KIF20A: variants seen among roughly 807,000 people sequenced by gnomAD.
KIF20A encodes the protein kinesin-like protein KIF20A.
Under a neutral mutation model 113.0 loss-of-function variants are expected in KIF20A, and 66 were observed. That is an observed-to-expected ratio of 0.58 (90% CI 0.48 to 0.72). KIF20A has a LOEUF of 0.72. Among genes scored for constraint, KIF20A ranks in the 30% least tolerant of loss-of-function variants. KIF20A has a pLI of 0.00. For missense variants in KIF20A, 927 were observed against 1,077.6 expected (o/e 0.86, Z 1.96); for synonymous variants, 376 against 402.3 (o/e 0.93, Z 0.78).
In KIF20A at chr5:138,183,074, G is replaced by A. The variant is rs1754686773; in HGVS notation, c.832+84G>A. The stretch of plus-strand genomic sequence containing the variant: ...TAGCTGCCAGGAGTACAGACCAGAG[G>A]TTGCAATCTAAGGTCTGCCTTCCAA... On this transcript the variant is annotated intron_variant, in intron 7 of 18. Transcript: ENST00000394894. This position sits in a 1 kb window ranked among gnomAD's most constrained non-coding sequence, Gnocchi z 5.2. 6.2e-7 allele frequency: 1 copy of A among 1,602,668 alleles called. No homozygotes were observed. Among genetic ancestry groups the A allele is most frequent in the Admixed American group, 1.7e-5 (1 of 59,568 alleles).
rs747904264 is a variant in KIF20A at position 138,181,669 on chromosome 5, G to T, written c.316G>T (p.Ala106Ser). Reference protein sequence around the residue: ...LVLQAPKDSFALKSNERGIGQ... With the variant: ...LVLQAPKDSFSLKSNERGIGQ... Reference sequence around the variant, plus strand: ...TCTACAAGCACCCAAGGACTCTTTTGCCCTGAAGAGCAATGAACGGGGAAT... The same window carrying T: ...TCTACAAGCACCCAAGGACTCTTTTTCCCTGAAGAGCAATGAACGGGGAAT... Residue 106 changes from alanine (A) to serine (S), a missense_variant, in exon 4 of 19, where the codon GCC becomes TCC. Ala to Ser is a moderately conservative substitution (Grantham distance 99). Transcript: ENST00000394894. 4 of 1,614,070 alleles carry T rather than the reference G, an allele frequency of 2.5e-6. No individual in the cohort carries two copies. In the Admixed American group the frequency reaches 6.7e-5, roughly 27 times the overall value.
rs1581479679 is a variant in KIF20A, at chr5:138,185,641, A to C, written c.2056A>C (p.Thr686Pro). The C allele has an allele frequency of 6.2e-7, 1 of 1,614,040 alleles. No homozygotes were observed. Among genetic ancestry groups the C allele is most frequent in the Admixed American group, 1.7e-5 (1 of 59,996 alleles). Residue 686 changes from threonine (T) to proline (P), a missense_variant, in exon 16 of 19, where the codon ACC becomes CCC. Thr to Pro is a conservative substitution (Grantham distance 38). Coordinates refer to ENST00000394894, the MANE Select transcript of KIF20A (RefSeq NM_005733.3). ...ACAAAGGTTGGCAGCTTCTGCCTCC[A>C]CCCAGCAGCTTCAGGAGGTTAAAGC... ...RSQRLAASAS[T>P]QQLQEVKAKL... is the part of the protein sequence containing the mutation.
chr5:138,181,707 A>T lies in KIF20A; in HGVS notation c.354A>T (p.Thr118=). The T allele has an allele frequency of 6.2e-7, 1 of 1,614,036 alleles. No individual in the cohort carries two copies. The highest frequency in any genetic ancestry group is 8.5e-7 in the Non-Finnish European group (1 of 1,180,044). The stretch of plus-strand genomic sequence containing the variant: ...ATGAACGGGGAATTGGCCAAGCCAC[A>T]CACAGGTTCACCTTTTCCCAGGTAT... ...KSNERGIGQA[T]HRFTFSQIFG... is the part of the protein sequence containing the mutation. The change falls in exon 4 of 19, where the codon ACA becomes ACT. Residue 118 remains threonine (T), a synonymous_variant. Transcript: ENST00000394894.
chr5:138,184,624 G>A lies in KIF20A; in HGVS notation c.1631G>A (p.Gly544Asp), dbSNP rs1314154158. Reference protein sequence around the residue: ...SLEKGAKADTGLDDDIENEAD... With the variant: ...SLEKGAKADTDLDDDIENEAD... The stretch of plus-strand genomic sequence containing the variant: ...GAGAAAGGGGCTAAGGCAGACACAG[G>A]CCTTGATGATGATATTGAAAATGAA... The change falls in exon 13 of 19, where the codon GGC (glycine) becomes GAC (aspartate). Residue 544 changes from glycine (G) to aspartate (D), a missense_variant. Coordinates refer to ENST00000394894, the MANE Select transcript of KIF20A (RefSeq NM_005733.3). 2.5e-6 allele frequency: 4 copies of A among 1,614,018 alleles called. No individual in the cohort carries two copies. Among genetic ancestry groups the A allele is most frequent in the African/African-American group, 2.7e-5 (2 of 74,924 alleles).
intron 16 of KIF20A, 39 bp from the exon 17 acceptor site, chr5:138,185,922 A>T: frequency 6.3e-7 from 1 of 1,583,244 alleles, no homozygotes; most frequent in Non-Finnish European, 8.7e-7. Flanking sequence ...AGGCTAAAAA[A>T]ACCCCACATA....
intron 18 of KIF20A, 82 bp downstream of exon 18, chr5:138,186,513 A>G: frequency 1.4e-6 from 2 of 1,460,202 alleles, no homozygotes; most frequent in Non-Finnish European, 1.8e-6. Context: ...ACCAGAAGAA[A>G]AAGGTAAAGA....
At position 138,183,386 on chromosome 5, in the gene KIF20A, G is replaced by A. The variant is rs1053318682; in HGVS notation, c.1027+23G>A. Reference sequence around the variant, plus strand: ...AAGGTAAAGGAACATGGGGAAAGCTGGCATGAACCCTGGAGGGCAACTGGG... The same window carrying A: ...AAGGTAAAGGAACATGGGGAAAGCTAGCATGAACCCTGGAGGGCAACTGGG... On this transcript the variant is annotated intron_variant, in intron 8 of 18. Transcript: ENST00000394894. This position sits in a 1 kb window ranked among gnomAD's most constrained non-coding sequence, Gnocchi z 5.2. 6.2e-7 allele frequency: 1 copy of A among 1,613,582 alleles called. No homozygotes were observed. The highest frequency in any genetic ancestry group is 8.5e-7 in the Non-Finnish European group (1 of 1,179,656).
rs775389346 is a variant in KIF20A, at chr5:138,187,358, T to C, written c.2618T>C (p.Leu873Pro). The C allele has an allele frequency of 2.5e-6, 4 of 1,614,056 alleles. No homozygotes were observed. Among genetic ancestry groups the C allele is most frequent in the Non-Finnish European group, 3.4e-6 (4 of 1,180,018 alleles). The change falls in exon 19 of 19, where the codon CTA (leucine) becomes CCA (proline). Residue 873 changes from leucine (L) to proline (P), a missense_variant. Physicochemically the swap from Leu to Pro is moderately conservative, Grantham distance 98. Transcript: ENST00000394894. ...STDCSPYARI[L>P]RSRRSPLLKS... The stretch of plus-strand genomic sequence containing the variant: ...GACTGCAGCCCTTATGCCCGGATCC[T>C]ACGCTCACGGCGTTCCCCTTTACTC...
Position 138,186,052 on chromosome 5 carries a change from G to A in KIF20A, c.2217G>A (p.Lys739=). 2 of 1,612,888 alleles carry A rather than the reference G, an allele frequency of 1.2e-6. No homozygotes were observed. Among genetic ancestry groups the A allele is most frequent in the Non-Finnish European group, 1.7e-6 (2 of 1,179,092 alleles). The change falls in exon 17 of 19, where the codon AAG becomes AAA. Residue 739 remains lysine, a splice_region_variant and synonymous_variant. Coordinates refer to ENST00000394894, the MANE Select transcript of KIF20A (RefSeq NM_005733.3). ...ACAAGAAGTTAGAAGAGGGCCAGAA[G>A]GTAATTACCACCATTCTCTGTTTAC... is the stretch of plus-strand genomic sequence containing the variant. ...DVDKKLEEGQ[K]NIRLLRTELQ...
chr5:138,184,206 C>G (rs1222349074), intron 11 of KIF20A, 33 bp from the exon 12 acceptor site: 3 of 1,612,244 alleles, frequency 1.9e-6, no homozygotes, highest in Middle Eastern at 1.7e-4. Flanking sequence ...TGGTGTTCTG[C>G]TCACAGCTCT....
intron 16 of KIF20A, 78 bp from the exon 17 acceptor site, chr5:138,185,883 C>A: frequency 7.3e-7 from 1 of 1,372,284 alleles, no homozygotes; most frequent in Middle Eastern, 1.8e-4. Context: ...CTGCAAGCTA[C>A]TGTTACCTCA....
Position 138,184,377 on chromosome 5 carries a change from G to A in KIF20A, c.1491G>A (p.Val497=), listed in dbSNP as rs1430293527. The A allele has an allele frequency of 6.2e-7, 1 of 1,614,196 alleles. No homozygotes were observed. The part of the protein sequence containing the change: ...CASTYDETLH[V]AKFSAIASQL... ...CTACCTATGATGAAACTCTTCATGTGGCCAAGTTCTCAGCCATTGCTAGCC... is the reference window on the plus strand; with the variant it reads ...CTACCTATGATGAAACTCTTCATGTAGCCAAGTTCTCAGCCATTGCTAGCC... Residue 497 remains valine, a synonymous_variant, in exon 12 of 19, where the codon GTG becomes GTA. Transcript: ENST00000394894.
At chr5:138,180,817 C>A (rs1007844056) in intron 2 of KIF20A, among the ~76,000 whole-genome samples, 11 of 152,202 alleles carry the variant, frequency 7.2e-5, no homozygotes, top group Admixed American at 2.6e-4. Context: ...GCTGGAATTA[C>A]AGGCACCTAC....
intron 1 of KIF20A, chr5:138,179,425 T>G (rs1465418854): frequency 2.8e-5 from 13 of 464,580 alleles, no homozygotes; most frequent in Non-Finnish European, 4.3e-5. Flanking sequence ...CTTCTGCTTT[T>G]GGAGCCAGAT....
At position 138,187,467 on chromosome 5, in the gene KIF20A, C is replaced by A; in HGVS notation, c.*54C>A. 1 of 1,438,144 alleles carries A rather than the reference C, an allele frequency of 7.0e-7. No individual in the cohort carries two copies. Among genetic ancestry groups the A allele is most frequent in the Non-Finnish European group, 9.5e-7 (1 of 1,051,452 alleles). 89.1% of individuals were successfully genotyped at this position (1,438,144 alleles called of 1,614,324 possible). The stretch of plus-strand genomic sequence containing the variant: ...GGCCCTGAGGTGGGTCAGCTACTCT[C>A]CTGAAGAAATAGGTCTCTTTTATGC... On this transcript the variant is annotated 3_prime_UTR_variant, in exon 19 of 19. Coordinates refer to ENST00000394894, the MANE Select transcript of KIF20A (RefSeq NM_005733.3).
chr5:138,179,888 C>T (rs747143241), intron 2 of KIF20A, 43 bp downstream of exon 2: 3 of 1,598,400 alleles, frequency 1.9e-6, no homozygotes, highest in Non-Finnish European at 2.6e-6. Context: ...GTGATATCCT[C>T]AGGCCAATAA....
At chr5:138,181,540 G>A in intron 3 of KIF20A, 29 bp downstream of exon 3, 1 of 1,614,016 alleles carries the variant, frequency 6.2e-7, no homozygotes, top group Non-Finnish European at 8.5e-7. Flanking sequence ...AGGATTCAAG[G>A]TGAAATGATG....
chr5:138,186,410 T>C lies in KIF20A; in HGVS notation c.2334T>C (p.Cys778=). Residue 778 remains cysteine (C), a synonymous_variant, in exon 18 of 19, where the codon TGT becomes TGC. Coordinates refer to ENST00000394894, the MANE Select transcript of KIF20A (RefSeq NM_005733.3). ...AGKLRQALTT[C]DDILIKQDQT... ...AACTTCGTCAAGCCTTGACCACTTGTGATGACATCTTAATCAAACAGGTTA... is the reference window on the plus strand; with the variant it reads ...AACTTCGTCAAGCCTTGACCACTTGCGATGACATCTTAATCAAACAGGTTA... The C allele has an allele frequency of 6.2e-7, 1 of 1,612,772 alleles. No homozygotes were observed. The highest frequency in any genetic ancestry group is 8.5e-7 in the Non-Finnish European group (1 of 1,179,718).
rs748585896 is a variant in KIF20A at position 138,183,931 on chromosome 5, C to T, written c.1209-31C>T. On this transcript the variant is annotated intron_variant, in intron 10 of 18. Coordinates refer to ENST00000394894, the MANE Select transcript of KIF20A (RefSeq NM_005733.3). The surrounding 1 kb of genome is among the most constrained non-coding windows in gnomAD (Gnocchi z 5.2). ...GCCAGAAGGCTCATAACATGTGAGG[C>T]CCTTATGTCAGATCCTGTGCATCAT... The T allele has an allele frequency of 3.7e-6, 6 of 1,613,332 alleles. No individual in the cohort carries two copies. The highest frequency in any genetic ancestry group is 5.1e-6 in the Non-Finnish European group (6 of 1,179,636).
Sources: allele counts gnomAD v4.1 joint callset (sites outside exome capture counted in the v4.1 genomes callset), GRCh38; gene constraint gnomAD v4.1.1; non-coding constraint Gnocchi (gnomAD v3.1); transcripts MANE v1.5; gene names NCBI Gene and HGNC (gene_info 2026-07-23, HGNC 2026-07-21).